Variants in RNF2 observed in about 807,000 individuals in gnomAD.
The protein encoded by RNF2 is ring finger protein 2.
RNF2 carries 6 observed loss-of-function variants against 37.2 expected under a neutral mutation model. The observed-to-expected ratio is 0.16, with a 90% CI of 0.09 to 0.32. RNF2 has a LOEUF of 0.32. Ranked by LOEUF, RNF2 falls within the 10% of genes least tolerant of loss-of-function variation. RNF2 has a pLI of 1.00. For missense variants in RNF2, 251 were observed against 404.0 expected (o/e 0.62, Z 3.25); for synonymous variants, 133 against 132.7 (o/e 1.00, Z -0.02).
intron 1 of RNF2, among the ~76,000 whole-genome samples, chr1:185,066,920 A>T (rs1446208291): frequency 1.3e-5 from 2 of 152,216 alleles, no homozygotes; most frequent in Admixed American, 1.3e-4. Flanking sequence ...ACACTAAATT[A>T]TCTAGATCTG....
At chr1:185,072,941 A>G (rs1651029809) in intron 1 of RNF2, among the ~76,000 whole-genome samples, 1 of 152,190 alleles carries the variant, frequency 6.6e-6, no homozygotes, top group Admixed American at 6.5e-5. Flanking sequence ...CTCTGTCTCA[A>G]AAAAACAAAC....
intron 1 of RNF2, among the ~76,000 whole-genome samples, chr1:185,066,715 A>G (rs1387983858): frequency 6.6e-6 from 1 of 152,234 alleles, no homozygotes; most frequent in Non-Finnish European, 1.5e-5. Context: ...CAGAAAGAAA[A>G]TAAGGCTGCT....
At position 185,098,337 on chromosome 1, in the gene RNF2, C is replaced by A; in HGVS notation, c.730C>A (p.Gln244Lys). Reference protein sequence around the residue: ...PTLMEKDDSAQTRYIKTSGNA... With the variant: ...PTLMEKDDSAKTRYIKTSGNA... ...ACTTATGGAAAAAGATGACAGTGCA[C>A]AGACGAGGTAAGTGTGTGGATTAGT... Residue 244 changes from glutamine (Q) to lysine (K), a missense_variant, in exon 5 of 7, where the codon CAG becomes AAG. Physicochemically the swap from Gln to Lys is moderately conservative, Grantham distance 53. Coordinates refer to ENST00000367510, the MANE Select transcript of RNF2 (RefSeq NM_007212.4). The A allele has an allele frequency of 1.2e-6, 2 of 1,613,860 alleles. No individual in the cohort carries two copies. The highest frequency in any genetic ancestry group is 1.7e-6 in the Non-Finnish European group (2 of 1,179,842).
intron 4 of RNF2, 50 bp downstream of exon 4, chr1:185,093,326 A>T (rs1344056742): frequency 6.6e-7 from 1 of 1,519,898 alleles, no homozygotes; most frequent in Admixed American, 1.7e-5. Context: ...TGAATACTTT[A>T]TTAACAATTA....
chr1:185,058,610 GTTTTGC>G (rs1347931759), intron 1 of RNF2, among the ~76,000 whole-genome samples: 3 of 152,202 alleles, frequency 2.0e-5, no homozygotes, highest in Non-Finnish European at 4.4e-5. Flanking sequence ...TGTGGAATGA[GTTTTGC>G]TTTTGAGAGA....
chr1:185,087,574 A>G lies in RNF2; in HGVS notation c.21A>G (p.Thr7=), dbSNP rs1187636208. The change falls in exon 2 of 7, where the codon ACA becomes ACG. Residue 7 remains threonine, a synonymous_variant. Transcript: ENST00000367510. MSQAVQ[T]NGTQPLSKTW... The stretch of plus-strand genomic sequence containing the variant: ...CAGCAATGTCTCAGGCTGTGCAGAC[A>G]AACGGAACTCAACCATTAAGCAAAA... The G allele has an allele frequency of 3.1e-6, 5 of 1,614,194 alleles. No homozygotes were observed. The South Asian group carries it at 4.4e-5, about 14-fold the overall frequency.
intron 1 of RNF2, among the ~76,000 whole-genome samples, chr1:185,069,825 C>T (rs1295864538): frequency 6.6e-6 from 1 of 152,122 alleles, no homozygotes; most frequent in East Asian, 1.9e-4. Flanking sequence ...TTCCAGGAAC[C>T]AAATATTTAG....
In RNF2 at chr1:185,098,005, G is replaced by A. The variant is rs1279574843; in HGVS notation, c.465-67G>A. On this transcript the variant is annotated intron_variant, in intron 4 of 6. Coordinates refer to ENST00000367510, the MANE Select transcript of RNF2 (RefSeq NM_007212.4). ...AATTCTAAAGTTCAGTAGCAAACAT[G>A]CTTCAGATTTGTTGCTTTAAAGGCC... 23 of 1,540,236 alleles carry A rather than the reference G, an allele frequency of 1.5e-5. 1 individual carries two copies. In the South Asian group the frequency reaches 2.2e-4, roughly 15 times the overall value.
At chr1:185,090,518 A>C (rs565279791) in intron 2 of RNF2, among the ~76,000 whole-genome samples, 2 of 152,330 alleles carry the variant, frequency 1.3e-5, no homozygotes, top group East Asian at 3.9e-4. Context: ...GAAATCTAAC[A>C]AACATTTTAT....
At chr1:185,094,138 T>TA (rs1557974528) in intron 4 of RNF2, among the ~76,000 whole-genome samples, 1 of 151,756 alleles carries the variant, frequency 6.6e-6, no homozygotes, top group Non-Finnish European at 1.5e-5. Context: ...TCAGTTTTTT[T>TA]TTTTTATTTT....
At position 185,066,041 on chromosome 1, in the gene RNF2, A is replaced by G. The variant is rs1037353106; in HGVS notation, c.-3+20392A>G. On this transcript the variant is annotated intron_variant, in intron 1 of 6. Coordinates refer to ENST00000367510, the MANE Select transcript of RNF2 (RefSeq NM_007212.4). ...CTTCCTTTGTCATTTCCTATATCCC[A>G]TGTATTGTTATTTTTGAGCTCTGCC... Among the ~76,000 whole-genome samples the G allele has an allele frequency of 6.0e-5, 9 of 150,148 alleles. No individual in the cohort carries two copies. The East Asian group carries it at 7.8e-4, about 13-fold the overall frequency.
intron 1 of RNF2, among the ~76,000 whole-genome samples, chr1:185,051,978 C>T (rs1650286640): frequency 6.7e-6 from 1 of 149,032 alleles, no homozygotes; most frequent in South Asian, 2.1e-4. Context: ...ATGCATGCAC[C>T]CATGTAACAC....
intron 1 of RNF2, among the ~76,000 whole-genome samples, chr1:185,064,907 TG>T (rs1386491638): frequency 6.6e-6 from 1 of 152,194 alleles, no homozygotes. Context: ...TGAAACTGAT[TG>T]TTTTGTTTTT....
intron 1 of RNF2, chr1:185,046,128 G>C (rs1045532511): frequency 5.9e-5 from 9 of 152,168 alleles, no homozygotes; most frequent in Admixed American, 6.5e-5. Context: ...GGTGGGGTAG[G>C]GGGCACTTTG....
chr1:185,060,901 T>C lies in RNF2; in HGVS notation c.-3+15252T>C, dbSNP rs146421916. On this transcript the variant is annotated intron_variant, in intron 1 of 6. Coordinates refer to ENST00000367510, the MANE Select transcript of RNF2 (RefSeq NM_007212.4). ...TGGGAGGCTGAGGTAGGAAGATCAC[T>C]TGAGGCCAGGAGTTCAATACCAGCC... is the stretch of plus-strand genomic sequence containing the variant. Among the ~76,000 whole-genome samples, 757 of 152,246 alleles carry C rather than the reference T, an allele frequency of 5.0e-3. 6 individuals carry two copies. The highest frequency in any genetic ancestry group is 0.018 in the African/African-American group (733 of 41,550).
chr1:185,061,371 G>GAA (rs1056323727), intron 1 of RNF2, among the ~76,000 whole-genome samples: 1 of 148,068 alleles, frequency 6.8e-6, no homozygotes, highest in South Asian at 2.1e-4. Flanking sequence ...CTTAAAAGGG[G>GAA]AAAAAAAAAG....
chr1:185,047,635 G>A (rs147167320), intron 1 of RNF2, among the ~76,000 whole-genome samples: 1 of 152,286 alleles, frequency 6.6e-6, no homozygotes, highest in Non-Finnish European at 1.5e-5. Flanking sequence ...ATTTCTTCCA[G>A]CAAGAGAAAT....
intron 1 of RNF2, among the ~76,000 whole-genome samples, chr1:185,076,268 G>GCTTTTTTTTTT (rs1553240995): frequency 3.7e-5 from 1 of 27,334 alleles, no homozygotes; most frequent in Non-Finnish European, 7.6e-5. Flanking sequence ...TTTATGGGTT[G>GCTTTTTTTTTT]TTTTTTTTTT....
At chr1:185,046,165 G>A (rs1015983639) in intron 1 of RNF2, 1 of 152,292 alleles carries the variant, frequency 6.6e-6, no homozygotes, top group Admixed American at 6.5e-5. Flanking sequence ...TCCTTCTGGG[G>A]GGTCGGAGTC....
Sources: allele counts gnomAD v4.1 joint callset (sites outside exome capture counted in the v4.1 genomes callset), GRCh38; gene constraint gnomAD v4.1.1; transcripts MANE v1.5; gene names NCBI Gene and HGNC (gene_info 2026-07-23, HGNC 2026-07-21).